AGBL4: variants seen among roughly 807,000 people sequenced by gnomAD.
AGBL4 encodes the protein cytosolic carboxypeptidase 6.
A neutral mutation model predicts 66.4 loss-of-function variants in AGBL4; 58 were observed. The ratio of observed to expected loss-of-function variants is 0.87; its 90% CI spans 0.71 to 1.09. The LOEUF (loss-of-function observed/expected upper bound fraction) is 1.09, where lower values mean the gene tolerates loss of function less well. AGBL4 is among the 50% of genes least tolerant of loss of function. The pLI, the probability that AGBL4 is intolerant of heterozygous loss-of-function variation, is 0.00. For synonymous variants in AGBL4, 234 were observed against 222.9 expected, an observed-to-expected ratio of 1.05 and a Z score of -0.44; for missense variants, 579 against 631.0, an observed-to-expected ratio of 0.92 and a Z score of 0.88.
At chr1:49,748,701 T>A (rs1571476357) in intron 2 of AGBL4, among the ~76,000 whole-genome samples, 1 of 152,252 alleles carries the variant, frequency 6.6e-6, no homozygotes, top group South Asian at 2.1e-4. Context: ...ATCACCATTA[T>A]GACTGGTGTG....
chr1:49,598,855 T>A (rs1421632617), intron 3 of AGBL4, among the ~76,000 whole-genome samples: 3 of 152,208 alleles, frequency 2.0e-5, no homozygotes, highest in Non-Finnish European at 4.4e-5. Context: ...TCTATTGAGA[T>A]AATCATGTGG....
At chr1:49,154,655 C>T (rs1646397606) in intron 4 of AGBL4, among the ~76,000 whole-genome samples, 2 of 152,074 alleles carry the variant, frequency 1.3e-5, no homozygotes, top group South Asian at 4.1e-4. Context: ...TATTGTCTCC[C>T]ATGGTGCTGA....
rs17105519 is a variant in AGBL4 at position 49,136,776 on chromosome 1, A to G, written c.378-90976T>C. ...AATACAGAAGCTTTGCTGTGTCTAT[A>G]CATATGGCTGGCAAGGATAATGGTT... On this transcript the variant is annotated intron_variant, in intron 4 of 13. Coordinates refer to ENST00000371839, the MANE Select transcript of AGBL4 (RefSeq NM_032785.4). 2.9e-3 allele frequency among the ~76,000 whole-genome samples: 447 copies of G among 152,298 alleles called. 26 individuals are homozygous for G. The East Asian group carries it at 0.073, about 25-fold the overall frequency.
chr1:49,111,704 T>G (rs993697761), intron 4 of AGBL4, among the ~76,000 whole-genome samples: 2 of 152,206 alleles, frequency 1.3e-5, no homozygotes, highest in Non-Finnish European at 1.5e-5. Context: ...TACCATCATA[T>G]TAGAAAGCCC....
intron 6 of AGBL4, chr1:48,761,272 T>C: frequency 6.8e-7 from 1 of 1,471,562 alleles, no homozygotes; most frequent in Non-Finnish European, 9.1e-7. Flanking sequence ...AGACTGAAAC[T>C]CTTTAGCTAC....
At chr1:49,874,806 A>AT (rs879369220) in intron 1 of AGBL4, among the ~76,000 whole-genome samples, 1 of 151,754 alleles carries the variant, frequency 6.6e-6, no homozygotes, top group Non-Finnish European at 1.5e-5. Flanking sequence ...TATTTCTATT[A>AT]TTTTTTTGTT....
At chr1:49,659,905 G>A (rs374527865) in intron 3 of AGBL4, among the ~76,000 whole-genome samples, 22 of 151,992 alleles carry the variant, frequency 1.4e-4, no homozygotes, top group South Asian at 1.0e-3. Context: ...TACAGTAACC[G>A]AAACAGCACC....
chr1:48,879,198 A>T (rs900262886), intron 5 of AGBL4, among the ~76,000 whole-genome samples: 10 of 129,452 alleles, frequency 7.7e-5, no homozygotes, highest in East Asian at 2.0e-4. Context: ...GTTCAGTATA[A>T]AAAAAAAAAA....
intron 6 of AGBL4, among the ~76,000 whole-genome samples, chr1:48,825,583 G>A (rs1426216037): frequency 6.6e-6 from 1 of 152,100 alleles, no homozygotes; most frequent in Non-Finnish European, 1.5e-5. Flanking sequence ...AGTGCCCAGA[G>A]GAGTGCTTGG....
chr1:48,958,925 C>A (rs2148937055), intron 5 of AGBL4, among the ~76,000 whole-genome samples: 1 of 152,342 alleles, frequency 6.6e-6, no homozygotes, highest in East Asian at 1.9e-4. Flanking sequence ...CATTAGCCAA[C>A]CATCTGTATT....
chr1:49,061,432 T>C (rs1316489233), intron 4 of AGBL4, among the ~76,000 whole-genome samples: 1 of 152,050 alleles, frequency 6.6e-6, no homozygotes, highest in African/African-American at 2.4e-5. Flanking sequence ...TTATAATAAT[T>C]TGATGACCTG....
intron 3 of AGBL4, among the ~76,000 whole-genome samples, chr1:49,601,847 A>G (rs183212688): frequency 1.7e-4 from 26 of 152,322 alleles, no homozygotes; most frequent in Admixed American, 1.2e-3. Flanking sequence ...GCCAAAATTG[A>G]CAAATGGGAT....
chr1:49,222,043 C>T (rs995263514), intron 4 of AGBL4, among the ~76,000 whole-genome samples: 2 of 152,124 alleles, frequency 1.3e-5, no homozygotes, highest in East Asian at 3.9e-4. Context: ...CATTTAATTG[C>T]AAGAACCATT....
intron 3 of AGBL4, among the ~76,000 whole-genome samples, chr1:49,335,706 G>A (rs1210818511): frequency 6.6e-6 from 1 of 151,936 alleles, no homozygotes; most frequent in South Asian, 2.1e-4. Flanking sequence ...TAGTAGAGAC[G>A]GGGTTTCACC....
At chr1:49,123,099 C>T (rs905286134) in intron 4 of AGBL4, among the ~76,000 whole-genome samples, 6 of 152,094 alleles carry the variant, frequency 3.9e-5, no homozygotes, top group East Asian at 1.9e-4. Flanking sequence ...GTGATCTGCC[C>T]GCCTTGGCCT....
intron 2 of AGBL4, among the ~76,000 whole-genome samples, chr1:49,713,364 C>G (rs1323430442): frequency 6.6e-6 from 1 of 152,010 alleles, no homozygotes; most frequent in African/African-American, 2.4e-5. Flanking sequence ...CACCTTTTCT[C>G]ATGTTAACAC....
intron 4 of AGBL4, among the ~76,000 whole-genome samples, chr1:49,165,581 T>A (rs926588627): frequency 2.7e-5 from 4 of 150,384 alleles, no homozygotes; most frequent in Non-Finnish European, 4.4e-5. Context: ...AATAGTATAA[T>A]CTTGATAATG....
chr1:48,821,527 A>G (rs796857813), intron 6 of AGBL4, among the ~76,000 whole-genome samples: 1 of 152,302 alleles, frequency 6.6e-6, no homozygotes, highest in African/African-American at 2.4e-5. Flanking sequence ...TCACTTACAA[A>G]TGGGAGCTAA....
chr1:48,902,838 A>C (rs943667544), intron 5 of AGBL4, among the ~76,000 whole-genome samples: 1 of 152,100 alleles, frequency 6.6e-6, no homozygotes, highest in East Asian at 1.9e-4. Context: ...CTCTCATTCT[A>C]AATTCCTTCC....
Sources: gnomAD v4.1 joint callset for allele counts (sites outside exome capture counted in the v4.1 genomes callset) on GRCh38, gnomAD v4.1.1 for gene constraint, MANE v1.5 for transcripts, NCBI Gene and HGNC (gene_info 2026-07-23, HGNC 2026-07-21) for gene names.